ADGRB3: variants seen among roughly 807,000 people sequenced by gnomAD.
ADGRB3 encodes brain-specific angiogenesis inhibitor 3.
In ADGRB3, 37 loss-of-function variants were observed where a neutral mutation model predicts 193.4. That is an observed-to-expected ratio of 0.19 (90% CI 0.15 to 0.25). The LOEUF (loss-of-function observed/expected upper bound fraction) is 0.25. Ranked by LOEUF, ADGRB3 falls within the 10% of genes least tolerant of loss-of-function variation. The probability of loss-of-function intolerance (pLI) is 1.00; values close to 1 mark genes in which losing one functional copy is unlikely to be tolerated. For synonymous variants in ADGRB3, 690 were observed against 644.2 expected, an observed-to-expected ratio of 1.07 and a Z score of -1.08; for missense variants, 1,637 against 1,852.9, an observed-to-expected ratio of 0.88 and a Z score of 2.14.
intron 3 of ADGRB3, among the ~76,000 whole-genome samples, chr6:68,875,683 T>C (rs903669601): frequency 6.6e-6 from 1 of 152,080 alleles, no homozygotes; most frequent in Non-Finnish European, 1.5e-5. Flanking sequence ...GATCCCAAAG[T>C]ATTACAGTAT....
intron 3 of ADGRB3, among the ~76,000 whole-genome samples, chr6:68,721,627 A>AATATATATATATATATATATATAT (rs71852236): frequency 4.3e-5 from 6 of 140,264 alleles, no homozygotes; most frequent in African/African-American, 1.6e-4. Context: ...AAGTATAATA[A>AATATATATATATATATATATATAT]ATATATATAT....
At chr6:69,372,609 T>C (rs1429132905) in intron 30 of ADGRB3, among the ~76,000 whole-genome samples, 168 bp downstream of exon 30, 1 of 152,090 alleles carries the variant, frequency 6.6e-6, no homozygotes, top group Non-Finnish European at 1.5e-5. Flanking sequence ...GGATGAAATT[T>C]TTAAATTTTG....
rs921244163 is a variant in ADGRB3, at chr6:69,234,929, A to G, written c.2608-103A>G. ...TAACTATCTGGTAACTATAACAACT[A>G]TATAGGCTATTTTTGAGTGATAGGT... On this transcript the variant is annotated intron_variant, in intron 18 of 31. Transcript: ENST00000370598. 2.5e-5 allele frequency: 21 copies of G among 836,218 alleles called. No homozygotes were observed. In the African/African-American group the frequency reaches 3.2e-4, roughly 13 times the overall value. 51.8% of individuals were successfully genotyped at this position (836,218 alleles called of 1,614,324 possible). A position where few individuals can be genotyped will look rare whatever the true frequency, so the allele number is the denominator to read the frequency against.
At chr6:68,750,282 G>T (rs1178286027) in intron 3 of ADGRB3, among the ~76,000 whole-genome samples, 1 of 152,056 alleles carries the variant, frequency 6.6e-6, no homozygotes, top group East Asian at 1.9e-4. Flanking sequence ...AGCTTCATAT[G>T]TTCTAAAATA....
intron 13 of ADGRB3, among the ~76,000 whole-genome samples, chr6:69,045,848 A>G (rs2150300889): frequency 6.6e-6 from 1 of 152,234 alleles, no homozygotes; most frequent in East Asian, 1.9e-4. Flanking sequence ...AATTTAAGGG[A>G]CTTATTGCAT....
intron 3 of ADGRB3, among the ~76,000 whole-genome samples, chr6:68,812,066 A>G (rs1767522581): frequency 6.6e-6 from 1 of 152,202 alleles, no homozygotes; most frequent in Non-Finnish European, 1.5e-5. Context: ...GAACAGGGTC[A>G]CAGAGGTGCA....
Position 69,382,852 on chromosome 6 carries a change from A to C in ADGRB3, c.4297A>C (p.Arg1433=). 6.2e-7 allele frequency: 1 copy of C among 1,607,880 alleles called. No individual in the cohort carries two copies. Among genetic ancestry groups the C allele is most frequent in the African/African-American group, 1.3e-5 (1 of 74,538 alleles). ...DFEKVMHTRK[R]HMELFQELNQ... ...GCAGAAGGTCATGCATACAAGGAAGAGGCATATGGAACTATTTCAAGAACT... is the reference window on the plus strand; with the variant it reads ...GCAGAAGGTCATGCATACAAGGAAGCGGCATATGGAACTATTTCAAGAACT... The change falls in exon 31 of 32, where the codon AGG becomes CGG. Residue 1433 remains arginine, a synonymous_variant. Coordinates refer to ENST00000370598, the MANE Select transcript of ADGRB3 (RefSeq NM_001704.3).
At chr6:69,372,347 G>C (rs923975936) in intron 29 of ADGRB3, 59 bp from the exon 30 acceptor site, 1 of 964,244 alleles carries the variant, frequency 1.0e-6, no homozygotes, top group African/African-American at 1.7e-5. Flanking sequence ...CATTTTGTTT[G>C]AATGACTAAA....
At chr6:68,685,555 T>G (rs923419866) in intron 3 of ADGRB3, among the ~76,000 whole-genome samples, 10 of 151,950 alleles carry the variant, frequency 6.6e-5, no homozygotes, top group African/African-American at 2.4e-4. Context: ...CTTGAGAAAG[T>G]TATTCATTTT....
intron 3 of ADGRB3, among the ~76,000 whole-genome samples, chr6:68,645,733 C>G (rs992932632): frequency 6.6e-6 from 1 of 152,094 alleles, no homozygotes; most frequent in Non-Finnish European, 1.5e-5. Flanking sequence ...AGTGCCATGG[C>G]GTGATCTAGG....
chr6:68,747,987 G>T (rs1766117924), intron 3 of ADGRB3, among the ~76,000 whole-genome samples: 1 of 152,054 alleles, frequency 6.6e-6, no homozygotes, highest in Non-Finnish European at 1.5e-5. Context: ...AAGCAAAAGT[G>T]GAAACCCAGA....
At chr6:68,899,731 A>C (rs1484122578) in intron 3 of ADGRB3, among the ~76,000 whole-genome samples, 1 of 152,082 alleles carries the variant, frequency 6.6e-6, no homozygotes, top group Non-Finnish European at 1.5e-5. Flanking sequence ...ACCAAACTGT[A>C]GGCCAAATGG....
At chr6:69,188,876 C>CA (rs1765123737) in intron 17 of ADGRB3, among the ~76,000 whole-genome samples, 1 of 151,930 alleles carries the variant, frequency 6.6e-6, no homozygotes, top group Admixed American at 6.6e-5. Flanking sequence ...TTGGATGGCA[C>CA]AAATACTGAA....
chr6:69,052,989 C>T (rs1383241681), intron 15 of ADGRB3, among the ~76,000 whole-genome samples: 1 of 152,104 alleles, frequency 6.6e-6, no homozygotes, highest in African/African-American at 2.4e-5. Context: ...CATTCAAGAC[C>T]AGCCTGGCCA....
At chr6:69,051,825 A>G (rs562440134) in intron 15 of ADGRB3, among the ~76,000 whole-genome samples, 1 of 152,226 alleles carries the variant, frequency 6.6e-6, no homozygotes, top group African/African-American at 2.4e-5. Context: ...TAATTCTTTT[A>G]AACTTCCCCT....
At chr6:69,057,740 A>T (rs1207510220) in intron 15 of ADGRB3, among the ~76,000 whole-genome samples, 2 of 151,938 alleles carry the variant, frequency 1.3e-5, no homozygotes, top group Non-Finnish European at 2.9e-5. Flanking sequence ...ACACTGATTG[A>T]TTCTCATTTG....
At chr6:69,273,512 G>T (rs1767226562) in intron 20 of ADGRB3, among the ~76,000 whole-genome samples, 1 of 152,154 alleles carries the variant, frequency 6.6e-6, no homozygotes, top group Non-Finnish European at 1.5e-5. Context: ...TAAAACTCAT[G>T]TCAACAGTTA....
chr6:68,861,897 T>C (rs1271372683), intron 3 of ADGRB3, among the ~76,000 whole-genome samples: 1 of 152,206 alleles, frequency 6.6e-6, no homozygotes, highest in Admixed American at 6.5e-5. Context: ...GGGTAATATA[T>C]GCAAAGTGCT....
At chr6:68,805,343 T>A (rs552293361) in intron 3 of ADGRB3, among the ~76,000 whole-genome samples, 4 of 152,192 alleles carry the variant, frequency 2.6e-5, no homozygotes, top group Non-Finnish European at 5.9e-5. Context: ...ATGTGAACAT[T>A]TTATAAGTTC....
Sources: gnomAD v4.1 joint callset for allele counts (sites outside exome capture counted in the v4.1 genomes callset) on GRCh38, gnomAD v4.1.1 for gene constraint, MANE v1.5 for transcripts, NCBI Gene and HGNC (gene_info 2026-07-23, HGNC 2026-07-21) for gene names.